PATZ1: variants seen among roughly 807,000 people sequenced by gnomAD.
The protein encoded by PATZ1 is POZ-, AT hook-, and zinc finger-containing protein 1.
PATZ1 carries 9 observed loss-of-function variants against 46.2 expected under a neutral mutation model. That is an observed-to-expected ratio of 0.19 (90% CI 0.12 to 0.34). The LOEUF (loss-of-function observed/expected upper bound fraction) is 0.34, where lower values mean the gene tolerates loss of function less well. Ranked by LOEUF, PATZ1 falls within the 10% of genes least tolerant of loss-of-function variation. The pLI is 1.00. For synonymous variants in PATZ1, 426 were observed against 378.6 expected (o/e 1.13, Z -1.45); for missense variants, 632 against 923.0 (o/e 0.68, Z 4.08).
chr22:31,343,495 G>A, intron 1 of PATZ1: 1 of 949,782 alleles, frequency 1.1e-6, no homozygotes, highest in East Asian at 1.2e-4. Context: ...GTGGGCAGGG[G>A]CTGCCTGACC....
intron 3 of PATZ1, among the ~76,000 whole-genome samples, chr22:31,332,426 A>G (rs756422419): frequency 1.3e-5 from 2 of 152,214 alleles, no homozygotes; most frequent in Non-Finnish European, 2.9e-5. Context: ...CATCCACGCA[A>G]TGGAGATGCT....
rs2049393969 is a variant in PATZ1, at chr22:31,328,406, A to G, written c.1645+381T>C. Among the ~76,000 whole-genome samples, 1 of 152,192 alleles carries G rather than the reference A, an allele frequency of 6.6e-6. No homozygotes were observed. The highest frequency in any genetic ancestry group is 1.5e-5 in the Non-Finnish European group (1 of 68,038). On this transcript the variant is annotated intron_variant, in intron 4 of 4. Coordinates refer to ENST00000266269, the MANE Select transcript of PATZ1 (RefSeq NM_014323.3). The surrounding 1 kb of genome is among the most constrained non-coding windows in gnomAD (Gnocchi z 4.8). The stretch of plus-strand genomic sequence containing the variant: ...TGGGTCAAAAGAGGAGAAAGCATTC[A>G]GCCGCAGCTCCACACCATCCTAAAG...
chr22:31,345,674 G>T lies in PATZ1; in HGVS notation c.-72C>A. 6 of 1,423,246 alleles carry T rather than the reference G, an allele frequency of 4.2e-6. No individual in the cohort carries two copies. The highest frequency in any genetic ancestry group is 5.6e-6 in the Non-Finnish European group (6 of 1,064,534). 88.2% of individuals were successfully genotyped at this position (1,423,246 alleles called of 1,614,324 possible). Reference sequence around the variant, plus strand: ...CCTCCCTTCCCCTCAGCAGCGAGAAGCGGGGCGCAGCAGACGTGTCCACAC... The same window carrying T: ...CCTCCCTTCCCCTCAGCAGCGAGAATCGGGGCGCAGCAGACGTGTCCACAC... On this transcript the variant is annotated 5_prime_UTR_variant, in exon 1 of 5. Coordinates refer to ENST00000266269, the MANE Select transcript of PATZ1 (RefSeq NM_014323.3). This position sits in a 1 kb window ranked among gnomAD's most constrained non-coding sequence, Gnocchi z 7.4.
intron 3 of PATZ1, chr22:31,335,369 G>T (rs551767250): frequency 4.1e-5 from 11 of 266,366 alleles, no homozygotes; most frequent in Admixed American, 1.0e-4. Flanking sequence ...AACCTCAGTG[G>T]TTCAGTGGTG....
In PATZ1 at chr22:31,328,794, GC is replaced by G. The variant is rs771921014; in HGVS notation, c.1637del (p.Gly546AlafsTer29). 1 of 1,612,294 alleles carries G rather than the reference GC, an allele frequency of 6.2e-7. No individual in the cohort carries two copies. The highest frequency in any genetic ancestry group is 8.5e-7 in the Non-Finnish European group (1 of 1,179,302). On this transcript the variant is annotated frameshift_variant, in exon 4 of 5. Transcript: ENST00000266269. LOFTEE classifies it high-confidence loss of function. The surrounding 1 kb of genome is among the most constrained non-coding windows in gnomAD (Gnocchi z 4.8). ...GAAFHCARTY[G>X]NKEGQKCSHQ... The stretch of plus-strand genomic sequence containing the variant: ...GAGCAAGGGGTCGCTTGCCTTTGTT[GC>G]CATAGGTCCTGGCGCAGTGGAACGC...
intron 2 of PATZ1, chr22:31,340,737 A>C: frequency 9.5e-7 from 1 of 1,050,510 alleles, no homozygotes; most frequent in Non-Finnish European, 1.1e-6. Flanking sequence ...CGGAGTGCTA[A>C]AGGGCACACC....
chr22:31,341,267 A>C, intron 2 of PATZ1: 1 of 1,417,636 alleles, frequency 7.1e-7, no homozygotes, highest in Non-Finnish European at 9.2e-7. Context: ...TGACATGGGA[A>C]AGACTCCGAG....
At chr22:31,335,616 T>G (rs1601489216) in intron 3 of PATZ1, 76 bp downstream of exon 3, 1 of 1,393,300 alleles carries the variant, frequency 7.2e-7, no homozygotes. Flanking sequence ...TGAGGCAGGG[T>G]GATTGAGACA....
intron 2 of PATZ1, chr22:31,341,485 G>T (rs1178059778): frequency 6.2e-7 from 1 of 1,613,370 alleles, no homozygotes; most frequent in East Asian, 2.2e-5. Flanking sequence ...GGCGGGGCTG[G>T]GCAGAAGAGA....
rs117283032 is a variant in PATZ1 at position 31,326,871 on chromosome 22, G to A, written c.*20C>T. 6.0e-3 allele frequency: 9,561 copies of A among 1,591,068 alleles called. 45 individuals are homozygous for A. Among genetic ancestry groups the A allele is most frequent in the Non-Finnish European group, 7.1e-3 (8,235 of 1,166,192 alleles). ...CAGCAGTCCCCAGATGGTTGTTTCCGTGGGGACACAGCAGCTGCCTCATTT... is the reference window on the plus strand; with the variant it reads ...CAGCAGTCCCCAGATGGTTGTTTCCATGGGGACACAGCAGCTGCCTCATTT... On this transcript the variant is annotated 3_prime_UTR_variant, in exon 5 of 5. Coordinates refer to ENST00000266269, the MANE Select transcript of PATZ1 (RefSeq NM_014323.3).
intron 3 of PATZ1, among the ~76,000 whole-genome samples, chr22:31,332,455 C>T (rs1328045730): frequency 1.3e-5 from 2 of 152,210 alleles, no homozygotes; most frequent in Non-Finnish European, 2.9e-5. Flanking sequence ...ATATGACTGC[C>T]ACTACAACCA....
At chr22:31,335,455 C>T (rs1286440896) in intron 3 of PATZ1, 3 of 492,730 alleles carry the variant, frequency 6.1e-6, no homozygotes, top group Non-Finnish European at 7.2e-6. Flanking sequence ...GAACCTCTCT[C>T]CTTCTGTTTT....
chr22:31,341,718 C>G (rs779834761), intron 2 of PATZ1: 1 of 1,572,086 alleles, frequency 6.4e-7, no homozygotes, highest in South Asian at 1.2e-5. Flanking sequence ...GTTACCCCCC[C>G]AGGCCACCGG....
In PATZ1 at chr22:31,327,347, G is replaced by C. The variant is rs747467224; in HGVS notation, c.1646-38C>G. The stretch of plus-strand genomic sequence containing the variant: ...AAAATATAGGAGAGCGATGAGGCCA[G>C]GCTCTGGAGATGCCCCCTCCTGGAG... On this transcript the variant is annotated intron_variant, in intron 4 of 4. Coordinates refer to ENST00000266269, the MANE Select transcript of PATZ1 (RefSeq NM_014323.3). This position sits in a 1 kb window ranked among gnomAD's most constrained non-coding sequence, Gnocchi z 4.2. The C allele has an allele frequency of 6.4e-7, 1 of 1,560,630 alleles. No individual in the cohort carries two copies. Among genetic ancestry groups the C allele is most frequent in the Non-Finnish European group, 8.7e-7 (1 of 1,142,998 alleles).
rs1480971974 is a variant in PATZ1 at position 31,345,691 on chromosome 22, T to C, written c.-89A>G. On this transcript the variant is annotated 5_prime_UTR_variant, in exon 1 of 5. Coordinates refer to ENST00000266269, the MANE Select transcript of PATZ1 (RefSeq NM_014323.3). This position sits in a 1 kb window ranked among gnomAD's most constrained non-coding sequence, Gnocchi z 7.4. Reference sequence around the variant, plus strand: ...AGCGAGAAGCGGGGCGCAGCAGACGTGTCCACACTCCCCACACGTGCCGGC... The same window carrying C: ...AGCGAGAAGCGGGGCGCAGCAGACGCGTCCACACTCCCCACACGTGCCGGC... 1.0e-5 allele frequency: 13 copies of C among 1,295,598 alleles called. No homozygotes were observed. The highest frequency in any genetic ancestry group is 1.2e-5 in the Non-Finnish European group (12 of 960,086). The allele number at this position is 1,295,598 out of a possible 1,614,324, so 80.3% of individuals were successfully genotyped here.
At chr22:31,329,648 C>T (rs140074) in intron 3 of PATZ1, among the ~76,000 whole-genome samples, 4 of 151,970 alleles carry the variant, frequency 2.6e-5, no homozygotes, top group South Asian at 2.1e-4. Flanking sequence ...AGAAGAAACA[C>T]GGATGATCTC....
chr22:31,339,366 C>G (rs981137142), intron 2 of PATZ1, among the ~76,000 whole-genome samples: 2 of 152,230 alleles, frequency 1.3e-5, no homozygotes, highest in African/African-American at 4.8e-5. Flanking sequence ...AGGATTGACC[C>G]TCTGCTGCTG....
chr22:31,342,612 C>G (rs1346920928), intron 2 of PATZ1, among the ~76,000 whole-genome samples: 4 of 152,052 alleles, frequency 2.6e-5, no homozygotes, highest in Non-Finnish European at 5.9e-5. Flanking sequence ...ATCCAAGGAG[C>G]CGGCAAACAC....
intron 1 of PATZ1, chr22:31,343,185 T>G (rs1044302448): frequency 8.5e-6 from 11 of 1,287,056 alleles, no homozygotes; most frequent in Middle Eastern, 3.0e-4. Flanking sequence ...AATGGGCATT[T>G]GTCTCTGATT....
Sources: gnomAD v4.1 joint callset for allele counts (sites outside exome capture counted in the v4.1 genomes callset) on GRCh38, gnomAD v4.1.1 for gene constraint, Gnocchi (gnomAD v3.1) non-coding constraint, MANE v1.5 for transcripts, NCBI Gene and HGNC (gene_info 2026-07-23, HGNC 2026-07-21) for gene names.